PALM2AKAP2: variants seen among roughly 807,000 people sequenced by gnomAD.
PALM2AKAP2 encodes PALM2-AKAP2 fusion protein.
PALM2AKAP2 carries 37 observed loss-of-function variants against 71.5 expected under a neutral mutation model. The observed-to-expected ratio is 0.52, with a 90% CI of 0.40 to 0.68. The LOEUF (loss-of-function observed/expected upper bound fraction) is 0.68, where lower values mean the gene tolerates loss of function less well. PALM2AKAP2 is among the 30% of genes least tolerant of loss of function. PALM2AKAP2 has a pLI of 0.00. For missense variants in PALM2AKAP2, 1,224 were observed against 1,191.8 expected, an observed-to-expected ratio of 1.03 and a Z score of -0.40; for synonymous variants, 468 against 478.8, an observed-to-expected ratio of 0.98 and a Z score of 0.29.
At chr9:109,898,888 C>T (rs139433633) in intron 3 of PALM2AKAP2, among the ~76,000 whole-genome samples, 12 of 152,332 alleles carry the variant, frequency 7.9e-5, no homozygotes, top group East Asian at 1.9e-4. Flanking sequence ...TGAGCAGCAA[C>T]GGAAGCTGCT....
At chr9:109,716,404 A>G (rs182210504) in intron 1 of PALM2AKAP2, among the ~76,000 whole-genome samples, 1 of 152,330 alleles carries the variant, frequency 6.6e-6, no homozygotes, top group African/African-American at 2.4e-5. Context: ...ATTAGGCTGG[A>G]GAAGGGTTAC....
intron 1 of PALM2AKAP2, among the ~76,000 whole-genome samples, chr9:110,121,687 A>C (rs962538176): frequency 1.3e-5 from 2 of 152,336 alleles, no homozygotes; most frequent in East Asian, 1.9e-4. Context: ...TGGGAAAGTT[A>C]CATTTAGCAG....
intron 1 of PALM2AKAP2, among the ~76,000 whole-genome samples, chr9:109,763,085 T>C (rs2118740919): frequency 6.6e-6 from 1 of 152,026 alleles, no homozygotes; most frequent in Middle Eastern, 3.4e-3. Flanking sequence ...AGGATATAAG[T>C]GGAGAGAGCA....
chr9:109,654,432 A>G (rs1827266843), intron 1 of PALM2AKAP2, among the ~76,000 whole-genome samples: 3 of 152,254 alleles, frequency 2.0e-5, no homozygotes, highest in Admixed American at 2.0e-4. Context: ...GCTAAGCTTT[A>G]TAAAGACAAT....
At chr9:110,129,816 G>C (rs964292400) in intron 1 of PALM2AKAP2, among the ~76,000 whole-genome samples, 15 of 152,258 alleles carry the variant, frequency 9.9e-5, no homozygotes, top group African/African-American at 2.4e-4. Context: ...CCCAGGTCTG[G>C]GTGGTTCTTG....
intron 1 of PALM2AKAP2, among the ~76,000 whole-genome samples, chr9:109,815,733 G>A (rs1051819623): frequency 6.6e-6 from 1 of 152,210 alleles, no homozygotes; most frequent in African/African-American, 2.4e-5. Context: ...TCAGCTGAGA[G>A]GAAGTTGGGG....
At chr9:110,072,828 G>GC (rs1295604832) in intron 1 of PALM2AKAP2, among the ~76,000 whole-genome samples, 2 of 152,118 alleles carry the variant, frequency 1.3e-5, no homozygotes, top group African/African-American at 4.8e-5. Context: ...TTCTGCCCCA[G>GC]CTCTACCTTG....
intron 7 of PALM2AKAP2, among the ~76,000 whole-genome samples, chr9:110,033,074 G>A (rs2132420990): frequency 6.6e-6 from 1 of 152,260 alleles, no homozygotes; most frequent in African/African-American, 2.4e-5. Flanking sequence ...CCTTATTTAA[G>A]TTGAGAAATA....
upstream of PALM2AKAP2, among the ~76,000 whole-genome samples, chr9:109,777,056 T>C (rs1049855025): frequency 1.6e-4 from 24 of 152,234 alleles, no homozygotes; most frequent in African/African-American, 5.8e-4. Flanking sequence ...TTAGGAACCA[T>C]GTTTTAGTCT....
At chr9:110,048,907 G>C in intron 1 of PALM2AKAP2, 2 of 1,446,816 alleles carry the variant, frequency 1.4e-6, no homozygotes, top group Non-Finnish European at 1.8e-6. Flanking sequence ...CGAGTGTGAG[G>C]AAGGGGTGGC....
intron 6 of PALM2AKAP2, among the ~76,000 whole-genome samples, chr9:109,949,280 C>A (rs1831581582): frequency 6.6e-6 from 1 of 152,236 alleles, no homozygotes; most frequent in Non-Finnish European, 1.5e-5. Context: ...AGGAAACTTG[C>A]AGACCCCCAA....
At chr9:109,929,169 G>GTTTTTTTTTTTTTTTTTTTTTT (rs35064231) in intron 5 of PALM2AKAP2, among the ~76,000 whole-genome samples, 2 of 137,758 alleles carry the variant, frequency 1.5e-5, no homozygotes. Flanking sequence ...TCTGTAAGTA[G>GTTTTTTTTTTTTTTTTTTTTTT]TTTTTTTTTT....
intron 1 of PALM2AKAP2, among the ~76,000 whole-genome samples, chr9:110,103,761 T>A (rs890613962): frequency 3.3e-5 from 5 of 152,238 alleles, no homozygotes; most frequent in Non-Finnish European, 5.9e-5. Flanking sequence ...CTACCAGGTT[T>A]ATTTGTGTTT....
At chr9:109,990,334 A>G (rs1832454965) in intron 6 of PALM2AKAP2, among the ~76,000 whole-genome samples, 1 of 152,174 alleles carries the variant, frequency 6.6e-6, no homozygotes, top group Non-Finnish European at 1.5e-5. Context: ...CGCTGGGACT[A>G]CAGGCGTGAG....
At chr9:110,089,810 A>T (rs1053151267) in intron 1 of PALM2AKAP2, among the ~76,000 whole-genome samples, 5 of 152,044 alleles carry the variant, frequency 3.3e-5, no homozygotes, top group South Asian at 2.1e-4. Flanking sequence ...GTGTCCAGTG[A>T]CTCTTCCTTA....
chr9:109,763,412 A>G (rs1829092548), intron 1 of PALM2AKAP2, among the ~76,000 whole-genome samples: 2 of 152,160 alleles, frequency 1.3e-5, no homozygotes, highest in African/African-American at 4.8e-5. Context: ...CCCTAGGTCA[A>G]ATACCTAACT....
At chr9:109,734,611 C>A (rs1564129122) in intron 1 of PALM2AKAP2, among the ~76,000 whole-genome samples, 1 of 152,056 alleles carries the variant, frequency 6.6e-6, no homozygotes, top group Non-Finnish European at 1.5e-5. Flanking sequence ...GAGAAGAGTC[C>A]TTTAGAGTGT....
intron 3 of PALM2AKAP2, among the ~76,000 whole-genome samples, chr9:110,163,498 A>G (rs925855946): frequency 6.6e-6 from 1 of 152,140 alleles, no homozygotes; most frequent in Admixed American, 6.5e-5. Flanking sequence ...CTCCCTTACA[A>G]TCTCGCAGAG....
exon 2 of PALM2AKAP2, chr9:110,137,669 T>C: frequency 6.2e-7 from 1 of 1,613,998 alleles, no homozygotes; most frequent in Non-Finnish European, 8.5e-7. Flanking sequence ...TCTGGACGAA[T>C]TGTCGGTGAG....
Sources: gnomAD v4.1 joint callset for allele counts (sites outside exome capture counted in the v4.1 genomes callset) on GRCh38, gnomAD v4.1.1 for gene constraint, MANE v1.5 for transcripts, NCBI Gene and HGNC (gene_info 2026-07-23, HGNC 2026-07-21) for gene names.